ZNF638: variants seen among roughly 807,000 people sequenced by gnomAD.
ZNF638 encodes CTCL tumor antigen se33-1.
ZNF638 carries 46 observed loss-of-function variants against 195.6 expected under a neutral mutation model. That is an observed-to-expected ratio of 0.24 (90% CI 0.19 to 0.30). ZNF638 has a LOEUF of 0.30. Ranked by LOEUF, ZNF638 falls within the 10% of genes least tolerant of loss-of-function variation. The probability of loss-of-function intolerance (pLI) is 1.00; values close to 1 mark genes in which losing one functional copy is unlikely to be tolerated. For missense variants in ZNF638, 2,440 were observed against 2,325.3 expected, an observed-to-expected ratio of 1.05 and a Z score of -1.01; for synonymous variants, 845 against 772.0, an observed-to-expected ratio of 1.09 and a Z score of -1.57.
At chr2:71,372,545 G>A (rs1235593048) in intron 8 of ZNF638, among the ~76,000 whole-genome samples, 2 of 152,224 alleles carry the variant, frequency 1.3e-5, no homozygotes, top group African/African-American at 4.8e-5. Flanking sequence ...ATTTAAGGCT[G>A]TCTCTGCTAC....
intron 20 of ZNF638, among the ~76,000 whole-genome samples, chr2:71,409,190 C>T (rs994359156): frequency 1.3e-5 from 2 of 152,258 alleles, no homozygotes; most frequent in African/African-American, 4.8e-5. Flanking sequence ...TGGTACTTCA[C>T]TTCCTAAGTG....
At chr2:71,342,323 A>G (rs1472241319) in intron 1 of ZNF638, among the ~76,000 whole-genome samples, 2 of 152,096 alleles carry the variant, frequency 1.3e-5, no homozygotes, top group East Asian at 3.9e-4. Flanking sequence ...TTAGGGACTC[A>G]GCTTCCACAA....
intron 1 of ZNF638, among the ~76,000 whole-genome samples, chr2:71,341,076 A>G (rs1990774): frequency 0.47 from 71,070 of 152,082 alleles, 18,490 homozygotes; most frequent in Admixed American, 0.6. Context: ...GAAAGACTGC[A>G]TCAAAATAAT....
chr2:71,393,078 A>C (rs145276667), intron 10 of ZNF638, among the ~76,000 whole-genome samples: 1 of 152,232 alleles, frequency 6.6e-6, no homozygotes, highest in Non-Finnish European at 1.5e-5. Flanking sequence ...GGAGCATCCA[A>C]CATTCCACAG....
intron 1 of ZNF638, among the ~76,000 whole-genome samples, chr2:71,338,734 G>C (rs1414680891): frequency 6.6e-6 from 1 of 152,170 alleles, no homozygotes; most frequent in Non-Finnish European, 1.5e-5. Flanking sequence ...TGGTTTATAA[G>C]TTCTTGGATT....
intron 5 of ZNF638, 69 bp downstream of exon 5, chr2:71,364,321 G>C (rs2079159251): frequency 6.8e-7 from 1 of 1,471,266 alleles, no homozygotes; most frequent in Non-Finnish European, 9.1e-7. Flanking sequence ...TTTCTTTTTG[G>C]ATTTTGAGAA....
At chr2:71,365,974 T>A (rs931974815) in intron 6 of ZNF638, among the ~76,000 whole-genome samples, 13 of 152,206 alleles carry the variant, frequency 8.5e-5, no homozygotes, top group African/African-American at 3.1e-4. Context: ...CCACGTCAGC[T>A]TCCCTAAGTG....
chr2:71,387,212 T>A (rs1194307397), intron 10 of ZNF638, among the ~76,000 whole-genome samples: 1 of 151,838 alleles, frequency 6.6e-6, no homozygotes, highest in Non-Finnish European at 1.5e-5. Context: ...AGATTTAGAG[T>A]AGTTTCATAT....
At chr2:71,362,229 C>A (rs948923234) in intron 3 of ZNF638, among the ~76,000 whole-genome samples, 1 of 151,948 alleles carries the variant, frequency 6.6e-6, no homozygotes, top group South Asian at 2.1e-4. Context: ...CTAAAGTTGT[C>A]GATGTGCCTA....
intron 20 of ZNF638, among the ~76,000 whole-genome samples, chr2:71,411,671 T>C (rs2080231279): frequency 1.0e-5 from 1 of 99,598 alleles, no homozygotes; most frequent in South Asian, 4.1e-4. Flanking sequence ...TTCCCCTTCC[T>C]GTGTCCATGT....
intron 13 of ZNF638, 33 bp from the exon 14 acceptor site, chr2:71,400,079 T>C: frequency 2.6e-6 from 4 of 1,532,210 alleles, no homozygotes; most frequent in Non-Finnish European, 3.5e-6. Flanking sequence ...ATTAGTGTTT[T>C]ACTAGACTAT....
intron 20 of ZNF638, chr2:71,408,575 G>T: frequency 3.3e-6 from 1 of 301,682 alleles, no homozygotes; most frequent in Non-Finnish European, 6.4e-6. Flanking sequence ...GGCTTCCTCT[G>T]GGTAGAAAGA....
rs1165637227 is a variant in ZNF638 at position 71,349,026 on chromosome 2, G to A, written c.72G>A (p.Gly24=). ...LQRPRAPNPS[G]MRPPGPFMRP... is the part of the protein sequence containing the mutation. ...GGCCACGAGCACCTAACCCTTCTGG[G>A]ATGAGGCCTCCAGGACCATTTATGA... Residue 24 remains glycine (G), a synonymous_variant, in exon 2 of 28, where the codon GGG becomes GGA. Coordinates refer to ENST00000264447, the MANE Select transcript of ZNF638 (RefSeq NM_014497.5). 4 of 1,614,060 alleles carry A rather than the reference G, an allele frequency of 2.5e-6. No individual in the cohort carries two copies. The highest frequency in any genetic ancestry group is 1.3e-5 in the African/African-American group (1 of 74,918).
At chr2:71,357,104 C>T (rs775851916) in intron 3 of ZNF638, among the ~76,000 whole-genome samples, 3 of 152,092 alleles carry the variant, frequency 2.0e-5, no homozygotes, top group Admixed American at 6.5e-5. Context: ...GACACAGCCT[C>T]GGGAGGTTCT....
intron 20 of ZNF638, among the ~76,000 whole-genome samples, chr2:71,411,266 G>A (rs2080216007): frequency 6.6e-6 from 1 of 150,754 alleles, no homozygotes; most frequent in African/African-American, 2.4e-5. Flanking sequence ...CCAAAGTGCT[G>A]GGATTACAGG....
intron 25 of ZNF638, among the ~76,000 whole-genome samples, chr2:71,429,991 A>G (rs1228369629): frequency 6.6e-6 from 1 of 152,202 alleles, no homozygotes; most frequent in African/African-American, 2.4e-5. Context: ...CCGACTTCAG[A>G]ATTTCTGTAT....
intron 6 of ZNF638, among the ~76,000 whole-genome samples, chr2:71,365,939 G>A (rs992645650): frequency 8.5e-5 from 13 of 152,068 alleles, no homozygotes; most frequent in Non-Finnish European, 1.5e-4. Flanking sequence ...GGCTGGTCTC[G>A]AACTACTAGG....
chr2:71,373,396 C>A (rs1256288733), intron 8 of ZNF638, among the ~76,000 whole-genome samples: 1 of 144,828 alleles, frequency 6.9e-6, no homozygotes, highest in Non-Finnish European at 1.5e-5. Context: ...TCTTTTCTTA[C>A]AGTCTGTTGC....
intron 22 of ZNF638, 22 bp from the exon 23 acceptor site, chr2:71,424,628 T>C: frequency 6.3e-7 from 1 of 1,585,154 alleles, no homozygotes; most frequent in South Asian, 1.2e-5. Flanking sequence ...CGTTTTTCTG[T>C]ATTTCTTATT....
Sources: allele counts gnomAD v4.1 joint callset (sites outside exome capture counted in the v4.1 genomes callset), GRCh38; gene constraint gnomAD v4.1.1; transcripts MANE v1.5; gene names NCBI Gene and HGNC (gene_info 2026-07-23, HGNC 2026-07-21).